The following OVCH1 variants were observed in gnomAD, a reference collection of about 807,000 sequenced individuals.
The protein encoded by OVCH1 is ovochymase 1.
In OVCH1, 139 loss-of-function variants were observed where a neutral mutation model predicts 138.4. That is an observed-to-expected ratio of 1.00 (90% CI 0.87 to 1.16). The LOEUF is 1.16. OVCH1 is among the 50% of genes most tolerant of loss of function. OVCH1 has a pLI of 0.00. For missense variants in OVCH1, 1,367 were observed against 1,357.9 expected, an observed-to-expected ratio of 1.01 and a Z score of -0.11; for synonymous variants, 453 against 467.8, an observed-to-expected ratio of 0.97 and a Z score of 0.41.
At chr12:29,443,196 CTTAATT>C (rs1361307026) in intron 25 of OVCH1, among the ~76,000 whole-genome samples, 159 bp downstream of exon 25, 2 of 151,976 alleles carry the variant, frequency 1.3e-5, no homozygotes, top group African/African-American at 4.8e-5. Context: ...GATTTTATAT[CTTAATT>C]TTAAATCTGA....
At chr12:29,424,943 C>A (rs1040161767), downstream of OVCH1, among the ~76,000 whole-genome samples, 1 of 152,094 alleles carries the variant, frequency 6.6e-6, no homozygotes, top group African/African-American at 2.4e-5. Context: ...GAGGAGGAAT[C>A]AGTGGTCATG....
intron 3 of OVCH1, among the ~76,000 whole-genome samples, chr12:29,422,449 A>G (rs1464184242): frequency 2.6e-5 from 4 of 152,198 alleles, no homozygotes; most frequent in African/African-American, 7.2e-5. Flanking sequence ...AAGGTTGGTC[A>G]TTAGAATTCC....
chr12:29,468,241 T>G (rs1159620862), intron 16 of OVCH1, among the ~76,000 whole-genome samples: 1 of 152,224 alleles, frequency 6.6e-6, no homozygotes, highest in East Asian at 1.9e-4. Context: ...GAGGGTAGTT[T>G]AAGCTCTTGC....
At chr12:29,491,971 A>G (rs1296210614) in intron 4 of OVCH1, among the ~76,000 whole-genome samples, 1 of 152,218 alleles carries the variant, frequency 6.6e-6, no homozygotes, top group Non-Finnish European at 1.5e-5. Context: ...TCTTGGTAGA[A>G]CCTCATGAGT....
chr12:29,417,265 A>AAACCTGACC (rs1317371627), intron 3 of OVCH1, among the ~76,000 whole-genome samples: 1 of 151,880 alleles, frequency 6.6e-6, no homozygotes, highest in Non-Finnish European at 1.5e-5. Flanking sequence ...CCAACCTGAC[A>AAACCTGACC]AACCTGACCA....
chr12:29,443,598 C>T (rs1173084296), intron 24 of OVCH1, 98 bp from the exon 25 acceptor site: 10 of 1,191,052 alleles, frequency 8.4e-6, no homozygotes, highest in East Asian at 2.6e-5. Flanking sequence ...TATTGACCCC[C>T]AGTGAGCCTT....
intron 5 of OVCH1, among the ~76,000 whole-genome samples, chr12:29,490,484 T>C (rs1345477759): frequency 6.6e-6 from 1 of 152,250 alleles, no homozygotes; most frequent in Non-Finnish European, 1.5e-5. Context: ...AGTGATGTTT[T>C]AATATATGTA....
the OVCH1 span, among the ~76,000 whole-genome samples, chr12:29,405,110 A>G: frequency 1.8e-4 from 27 of 151,468 alleles, no homozygotes; most frequent in African/African-American, 6.3e-4. Context: ...CAGCAATTAC[A>G]CATAATTCAT....
rs869026523 is a variant in OVCH1 at position 29,414,016 on chromosome 12, CTCTCTTTTTT to C, written c.*72-1301_*72-1292del. Among the ~76,000 whole-genome samples the C allele has an allele frequency of 1.8e-3, 258 of 140,166 alleles. 1 individual carries two copies. The highest frequency in any genetic ancestry group is 5.5e-3 in the Admixed American group (76 of 13,792). The allele number at this position is 140,166 out of a possible 152,430, so 92.0% of individuals were successfully genotyped here. ...AGCAGCTGGCTTTTCTCCTCTCTCT[CTCTCTTTTTT>C]TTTTTTTTTTTTTTTTGGAGTATTG... On this transcript the variant is annotated intron_variant and NMD_transcript_variant, in intron 3 of 4. Transcript: ENST00000539117.
chr12:29,459,266 A>C (rs1942052062), intron 19 of OVCH1, among the ~76,000 whole-genome samples: 1 of 152,188 alleles, frequency 6.6e-6, no homozygotes, highest in African/African-American at 2.4e-5. Flanking sequence ...GATAAAGAAA[A>C]TGTGGTTCAT....
intron 18 of OVCH1, among the ~76,000 whole-genome samples, chr12:29,462,708 T>A (rs533476872): frequency 2.0e-4 from 31 of 152,234 alleles, no homozygotes; most frequent in African/African-American, 6.5e-4. Flanking sequence ...GTAAAGAGTT[T>A]TATTCCAACC....
At position 29,489,675 on chromosome 12, in the gene OVCH1, A is replaced by AG. The variant is rs1248155138; in HGVS notation, c.646dup (p.Leu216ProfsTer12). On this transcript the variant is annotated frameshift_variant, in exon 6 of 28. Coordinates refer to ENST00000318184, the Ensembl canonical transcript of OVCH1. LOFTEE classifies it high-confidence loss of function. Reference sequence around the variant, plus strand: ...GCCAGCACACAGCATGGTCCTTCCCAGGGGAGGGAGGTTCATGCTCTTGAG... The same window carrying AG: ...GCCAGCACACAGCATGGTCCTTCCCAGGGGGAGGGAGGTTCATGCTCTTGAG... 2 of 1,609,410 alleles carry AG rather than the reference A, an allele frequency of 1.2e-6. No homozygotes were observed. Among genetic ancestry groups the AG allele is most frequent in the African/African-American group, 1.3e-5 (1 of 74,898 alleles).
At chr12:29,462,902 C>A (rs538102659) in intron 18 of OVCH1, among the ~76,000 whole-genome samples, 1 of 152,250 alleles carries the variant, frequency 6.6e-6, no homozygotes, top group East Asian at 1.9e-4. Flanking sequence ...TTCTTGGGGA[C>A]CATCTCCCTT....
intron 9 of OVCH1, among the ~76,000 whole-genome samples, chr12:29,478,004 C>G (rs1175148966): frequency 6.6e-6 from 1 of 152,140 alleles, no homozygotes; most frequent in African/African-American, 2.4e-5. Context: ...ATTATAACCC[C>G]TAGTACAATA....
chr12:29,457,506 C>T (rs11050238), intron 19 of OVCH1, among the ~76,000 whole-genome samples: 5 of 131,286 alleles, frequency 3.8e-5, no homozygotes, highest in African/African-American at 1.5e-4. Context: ...TGGTTTCAAG[C>T]GATTTTCCTG....
chr12:29,472,391 T>A (rs752656938), intron 15 of OVCH1, among the ~76,000 whole-genome samples: 3 of 152,192 alleles, frequency 2.0e-5, no homozygotes, highest in Non-Finnish European at 4.4e-5. Flanking sequence ...TCTTCTTGTT[T>A]TAGTTCTTGT....
chr12:29,483,622 C>T (rs911160757), intron 8 of OVCH1, among the ~76,000 whole-genome samples: 1 of 152,126 alleles, frequency 6.6e-6, no homozygotes, highest in Non-Finnish European at 1.5e-5. Flanking sequence ...ACTGCTACCC[C>T]AGTTCCCATT....
intron 14 of OVCH1, 70 bp downstream of exon 14, chr12:29,474,991 T>G: frequency 1.3e-6 from 2 of 1,487,380 alleles, no homozygotes; most frequent in Non-Finnish European, 1.8e-6. Context: ...GAGGTAAACA[T>G]GGCTAAATTA....
At chr12:29,475,086 C>T (rs1279337369) in exon 14 of OVCH1, 1 of 1,582,420 alleles carries the variant, frequency 6.3e-7, no homozygotes, top group Non-Finnish European at 8.6e-7. Context: ...TAAATCTGGC[C>T]TTGAAGCCTT....
Sources: gnomAD v4.1 joint callset for allele counts (sites outside exome capture counted in the v4.1 genomes callset) on GRCh38, gnomAD v4.1.1 for gene constraint, MANE v1.5 for transcripts, NCBI Gene and HGNC (gene_info 2026-07-23, HGNC 2026-07-21) for gene names.